ERBB4: variants seen among roughly 807,000 people sequenced by gnomAD.
ERBB4 encodes erb-b2 receptor tyrosine kinase 4.
ERBB4 carries 42 observed loss-of-function variants against 158.0 expected under a neutral mutation model. That is an observed-to-expected ratio of 0.27 (90% CI 0.21 to 0.34). The LOEUF (loss-of-function observed/expected upper bound fraction) is 0.34. Among genes scored for constraint, ERBB4 ranks in the 10% least tolerant of loss-of-function variants. The probability of loss-of-function intolerance (pLI) is 1.00; values close to 1 mark genes in which losing one functional copy is unlikely to be tolerated. For missense variants in ERBB4, 1,333 were observed against 1,624.1 expected (o/e 0.82, Z 3.08); for synonymous variants, 583 against 558.7 (o/e 1.04, Z -0.61).
At chr2:211,432,233 A>G (rs997109053) in intron 20 of ERBB4, among the ~76,000 whole-genome samples, 2 of 152,334 alleles carry the variant, frequency 1.3e-5, no homozygotes, top group Admixed American at 6.5e-5. Context: ...AGGACTTTGA[A>G]GGATTAATGG....
intron 7 of ERBB4, among the ~76,000 whole-genome samples, chr2:211,721,807 G>T (rs13412669): frequency 1.3e-5 from 2 of 152,048 alleles, no homozygotes; most frequent in African/African-American, 2.4e-5. Flanking sequence ...CTTTTTTGGA[G>T]AAACAGTATG....
chr2:211,555,974 T>C (rs2067226250), intron 20 of ERBB4, among the ~76,000 whole-genome samples: 1 of 152,144 alleles, frequency 6.6e-6, no homozygotes, highest in South Asian at 2.1e-4. Context: ...ATTTCAATAC[T>C]AAATCTTGAA....
chr2:212,354,734 CA>C (rs967277476), intron 1 of ERBB4, among the ~76,000 whole-genome samples: 40 of 152,112 alleles, frequency 2.6e-4, no homozygotes, highest in Admixed American at 1.2e-3. Context: ...TGGTAGCTTT[CA>C]TTTACAGAAA....
intron 1 of ERBB4, among the ~76,000 whole-genome samples, chr2:212,326,459 T>C (rs2087838498): frequency 6.6e-6 from 1 of 150,726 alleles, no homozygotes; most frequent in Non-Finnish European, 1.5e-5. Flanking sequence ...GGTGAATTAC[T>C]TACAAAGATA....
intron 20 of ERBB4, among the ~76,000 whole-genome samples, chr2:211,530,273 C>T (rs1470061730): frequency 6.6e-6 from 1 of 151,918 alleles, no homozygotes; most frequent in Non-Finnish European, 1.5e-5. Flanking sequence ...AAATAAAATA[C>T]CTTGGGATTA....
At chr2:211,513,715 C>T (rs948151276) in intron 20 of ERBB4, among the ~76,000 whole-genome samples, 3 of 152,022 alleles carry the variant, frequency 2.0e-5, no homozygotes, top group Non-Finnish European at 4.4e-5. Flanking sequence ...TGGCAGGCGC[C>T]CCCAACCCCT....
intron 6 of ERBB4, among the ~76,000 whole-genome samples, chr2:211,723,253 G>A (rs1437858791): frequency 6.6e-6 from 1 of 151,790 alleles, no homozygotes; most frequent in African/African-American, 2.4e-5. Flanking sequence ...AATTCATTTG[G>A]GAAGAATTAA....
At chr2:211,452,158 T>G (rs767721933) in intron 20 of ERBB4, among the ~76,000 whole-genome samples, 111 of 151,258 alleles carry the variant, frequency 7.3e-4, no homozygotes, top group Non-Finnish European at 1.8e-4. Context: ...CTGTCTCAGA[T>G]AATACATTTG....
At chr2:212,036,746 G>A (rs2077023552) in intron 2 of ERBB4, among the ~76,000 whole-genome samples, 1 of 152,112 alleles carries the variant, frequency 6.6e-6, no homozygotes, top group Non-Finnish European at 1.5e-5. Context: ...TTACAGGCGT[G>A]AGCCACCGCA....
At chr2:211,720,649 T>C (rs2074063224) in intron 7 of ERBB4, among the ~76,000 whole-genome samples, 1 of 152,224 alleles carries the variant, frequency 6.6e-6, no homozygotes. Context: ...AAAAATCCAC[T>C]CTTTCGGTAC....
chr2:212,371,068 C>T (rs1001220723), intron 1 of ERBB4, among the ~76,000 whole-genome samples: 3 of 152,100 alleles, frequency 2.0e-5, no homozygotes, highest in African/African-American at 7.2e-5. Context: ...CAAATCTCAG[C>T]AGTTTCTCAG....
At chr2:212,276,824 T>G (rs928361598) in intron 1 of ERBB4, among the ~76,000 whole-genome samples, 19 of 151,832 alleles carry the variant, frequency 1.3e-4, no homozygotes, top group Non-Finnish European at 2.7e-4. Flanking sequence ...TTTAATTCCT[T>G]AGAAAAGCTA....
intron 2 of ERBB4, among the ~76,000 whole-genome samples, chr2:212,104,102 T>C (rs1010846993): frequency 2.0e-5 from 3 of 152,020 alleles, no homozygotes; most frequent in African/African-American, 7.2e-5. Flanking sequence ...TCAAACAGAT[T>C]TGTGGATTTT....
intron 19 of ERBB4, among the ~76,000 whole-genome samples, chr2:211,563,631 A>G (rs567467022): frequency 1.4e-3 from 210 of 152,340 alleles, no homozygotes; most frequent in African/African-American, 4.7e-3. Context: ...TATTATATCA[A>G]TGTTAAATAT....
At chr2:211,658,025 A>T in intron 15 of ERBB4, 197 bp from the exon 16 acceptor site, 1 of 1,548,422 alleles carries the variant, frequency 6.5e-7, no homozygotes, top group Non-Finnish European at 8.8e-7. Flanking sequence ...AAAAAATACA[A>T]GGGGAAAAAA....
intron 1 of ERBB4, among the ~76,000 whole-genome samples, chr2:212,312,128 A>G (rs2087072476): frequency 6.6e-6 from 1 of 150,916 alleles, no homozygotes; most frequent in South Asian, 2.1e-4. Context: ...TCATAATCCT[A>G]TGTTTCACAT....
intron 20 of ERBB4, among the ~76,000 whole-genome samples, chr2:211,470,352 G>GCTCT (rs1467655725): frequency 6.6e-6 from 1 of 152,018 alleles, no homozygotes; most frequent in East Asian, 1.9e-4. Flanking sequence ...CTCCTCTTTG[G>GCTCT]CTCTCTGACT....
intron 3 of ERBB4, among the ~76,000 whole-genome samples, chr2:211,807,061 T>C (rs544716217): frequency 6.6e-6 from 1 of 152,238 alleles, no homozygotes; most frequent in South Asian, 2.1e-4. Flanking sequence ...TAATTAATTA[T>C]ATTTTAAATA....
At chr2:212,087,557 C>T (rs1378968149) in intron 2 of ERBB4, among the ~76,000 whole-genome samples, 1 of 152,022 alleles carries the variant, frequency 6.6e-6, no homozygotes, top group Non-Finnish European at 1.5e-5. Flanking sequence ...CTGGGTTTCT[C>T]TGTGACACTT....
Sources: allele counts gnomAD v4.1 joint callset (sites outside exome capture counted in the v4.1 genomes callset), GRCh38; gene constraint gnomAD v4.1.1; transcripts MANE v1.5; gene names NCBI Gene and HGNC (gene_info 2026-07-23, HGNC 2026-07-21).